The following HYCC1 variants were observed in gnomAD, a reference collection of about 807,000 sequenced individuals.
HYCC1 encodes hyccin PI4KA lipid kinase complex subunit 1.
the HYCC1 span, among the ~76,000 whole-genome samples, chr7:22,968,035 T>C: frequency 1.3e-5 from 2 of 152,206 alleles, no homozygotes; most frequent in African/African-American, 4.8e-5. Context: ...AGTCTGCTAA[T>C]AAAACTATCT....
the HYCC1 span, among the ~76,000 whole-genome samples, chr7:22,926,465 T>A: frequency 3.3e-5 from 5 of 151,622 alleles, no homozygotes; most frequent in Admixed American, 2.0e-4. Flanking sequence ...ACATATAGGC[T>A]CAAAATAAAG....
chr7:22,972,219 T>A, the HYCC1 span, among the ~76,000 whole-genome samples: 3 of 152,010 alleles, frequency 2.0e-5, no homozygotes, highest in South Asian at 6.2e-4. Context: ...TATATTTATA[T>A]AAATTTTATT....
At chr7:22,905,386 ATTTTTTTTTTTTT>A in the HYCC1 span, among the ~76,000 whole-genome samples, 1 of 44,466 alleles carries the variant, frequency 2.2e-5, no homozygotes, top group African/African-American at 9.1e-5. Context: ...CTAATTTTGT[ATTTTTTTTTTTTT>A]TTTTTTTTTT....
the HYCC1 span, among the ~76,000 whole-genome samples, chr7:23,006,622 CA>C: frequency 6.6e-6 from 1 of 152,158 alleles, no homozygotes; most frequent in Non-Finnish European, 1.5e-5. Context: ...GCCTATACAT[CA>C]CTCAACATAA....
chr7:22,926,898 C>G, the HYCC1 span, among the ~76,000 whole-genome samples: 1 of 151,446 alleles, frequency 6.6e-6, no homozygotes, highest in African/African-American at 2.4e-5. Flanking sequence ...CAGCACCACA[C>G]CACACCTACT....
At chr7:23,000,891 T>C in the HYCC1 span, among the ~76,000 whole-genome samples, 3 of 151,074 alleles carry the variant, frequency 2.0e-5, no homozygotes, top group South Asian at 6.3e-4. Context: ...TTGTGAAAAT[T>C]TAACTAACTA....
the HYCC1 span, chr7:22,985,398 T>C: frequency 6.6e-6 from 1 of 152,196 alleles, no homozygotes; most frequent in African/African-American, 2.4e-5. Flanking sequence ...AAATCTTTGC[T>C]GAGGGAACAT....
chr7:22,932,272 C>T, the HYCC1 span, among the ~76,000 whole-genome samples: 1 of 152,076 alleles, frequency 6.6e-6, no homozygotes, highest in Admixed American at 6.6e-5. Flanking sequence ...CCAGCCTGTA[C>T]TAAAAGGGGT....
the HYCC1 span, among the ~76,000 whole-genome samples, chr7:23,002,983 A>G: frequency 1.3e-5 from 2 of 152,010 alleles, no homozygotes; most frequent in African/African-American, 4.8e-5. Flanking sequence ...AGCCTATCCA[A>G]ATTTCCTGTT....
the HYCC1 span, among the ~76,000 whole-genome samples, chr7:22,921,670 T>C: frequency 4.6e-5 from 7 of 152,176 alleles, no homozygotes; most frequent in East Asian, 1.9e-4. Flanking sequence ...AGAACTCACA[T>C]AGTGAGGATT....
At chr7:22,924,165 G>C in the HYCC1 span, among the ~76,000 whole-genome samples, 5 of 132,998 alleles carry the variant, frequency 3.8e-5, no homozygotes, top group African/African-American at 1.4e-4. Flanking sequence ...GTGACAGAGC[G>C]AGACTCTGTA....
At chr7:23,003,918 A>T in the HYCC1 span, among the ~76,000 whole-genome samples, 1 of 152,192 alleles carries the variant, frequency 6.6e-6, no homozygotes, top group Non-Finnish European at 1.5e-5. Flanking sequence ...ATTCTATTTG[A>T]TTCTCCCCAA....
the HYCC1 span, among the ~76,000 whole-genome samples, chr7:22,956,586 C>T: frequency 6.6e-6 from 1 of 151,710 alleles, no homozygotes; most frequent in Non-Finnish European, 1.5e-5. Flanking sequence ...AAAAATCATC[C>T]TATTTAATTG....
At chr7:22,927,516 C>T in the HYCC1 span, among the ~76,000 whole-genome samples, 1 of 152,078 alleles carries the variant, frequency 6.6e-6, no homozygotes, top group Non-Finnish European at 1.5e-5. Context: ...ACCACCAATC[C>T]CACAGAAATG....
chr7:22,977,322 G>A, the HYCC1 span: 13,690 of 1,436,740 alleles, frequency 9.5e-3, 977 homozygotes, highest in African/African-American at 0.16. Flanking sequence ...TAAACTTACT[G>A]TGATAAAATG....
At chr7:22,910,450 G>C in the HYCC1 span, among the ~76,000 whole-genome samples, 2 of 152,198 alleles carry the variant, frequency 1.3e-5, no homozygotes, top group Non-Finnish European at 2.9e-5. Context: ...ACAGCCTGCA[G>C]AATCGGAAGC....
chr7:22,968,144 C>T, the HYCC1 span, among the ~76,000 whole-genome samples: 1 of 152,168 alleles, frequency 6.6e-6, no homozygotes, highest in Non-Finnish European at 1.5e-5. Context: ...GGAATGCCAG[C>T]CGCTCCACTA....
At chr7:22,955,929 C>A in the HYCC1 span, among the ~76,000 whole-genome samples, 1 of 151,434 alleles carries the variant, frequency 6.6e-6, no homozygotes, top group Non-Finnish European at 1.5e-5. Flanking sequence ...CCTTTAACTT[C>A]TTTTTATTTT....
the HYCC1 span, chr7:22,960,184 A>C: frequency 3.0e-5 from 44 of 1,458,134 alleles, no homozygotes; most frequent in Non-Finnish European, 3.5e-5. Context: ...TAGAAGTTAT[A>C]GCACCATAAG....
Sources: allele counts gnomAD v4.1 joint callset (sites outside exome capture counted in the v4.1 genomes callset), GRCh38; gene constraint gnomAD v4.1.1; transcripts MANE v1.5; gene names NCBI Gene and HGNC (gene_info 2026-07-23, HGNC 2026-07-21).